The following LIX1 variants were observed in gnomAD, a reference collection of about 807,000 sequenced individuals.
LIX1 encodes limb and CNS expressed 1.
A neutral mutation model predicts 33.4 loss-of-function variants in LIX1; 24 were observed. That is an observed-to-expected ratio of 0.72 (90% CI 0.52 to 1.01). LIX1 has a LOEUF of 1.01. Among genes scored for constraint, LIX1 ranks in the 50% least tolerant of loss-of-function variants. The probability of loss-of-function intolerance (pLI) is 0.00; values close to 1 mark genes in which losing one functional copy is unlikely to be tolerated. For missense variants in LIX1, 311 were observed against 339.2 expected, an observed-to-expected ratio of 0.92 and a Z score of 0.65; for synonymous variants, 124 against 124.0, an observed-to-expected ratio of 1.00 and a Z score of 0.00.
intron 1 of LIX1, among the ~76,000 whole-genome samples, chr5:97,127,977 A>G (rs887208160): frequency 1.3e-5 from 2 of 152,182 alleles, no homozygotes; most frequent in Middle Eastern, 3.4e-3. Context: ...AAGTTCCCTC[A>G]TTATTCACTC....
At chr5:97,129,298 C>A (rs892050813) in intron 1 of LIX1, among the ~76,000 whole-genome samples, 1 of 152,080 alleles carries the variant, frequency 6.6e-6, no homozygotes, top group Non-Finnish European at 1.5e-5. Context: ...ACGCCCTACC[C>A]GCAAGAAACA....
chr5:97,106,166 T>G (rs1561492208), intron 3 of LIX1, among the ~76,000 whole-genome samples: 2 of 152,230 alleles, frequency 1.3e-5, no homozygotes, highest in Non-Finnish European at 2.9e-5. Context: ...TAAATTACTT[T>G]TACACTGAGG....
In LIX1 at chr5:97,142,528, G is replaced by A. The variant is rs778765379; in HGVS notation, c.49C>T (p.Pro17Ser). ...SLRHIIAQVL[P>S]HRDPALVFKD... Reference sequence around the variant, plus strand: ...AAGACTAGAGCCGGATCTCTGTGAGGCAAGACTTGGGCAATGATGTGTCTC... The same window carrying A: ...AAGACTAGAGCCGGATCTCTGTGAGACAAGACTTGGGCAATGATGTGTCTC... The change falls in exon 1 of 6, where the codon CCT (proline) becomes TCT (serine). Residue 17 changes from proline to serine, a missense_variant. By Grantham distance (74) the Pro-to-Ser change is moderately conservative (BLOSUM62 -1). Coordinates refer to ENST00000274382, the MANE Select transcript of LIX1 (RefSeq NM_153234.5). The A allele has an allele frequency of 1.2e-5, 20 of 1,614,030 alleles. No homozygotes were observed. The highest frequency in any genetic ancestry group is 1.5e-5 in the Non-Finnish European group (18 of 1,179,906).
intron 4 of LIX1, among the ~76,000 whole-genome samples, chr5:97,103,349 A>G (rs2112759126): frequency 6.6e-6 from 1 of 152,326 alleles, no homozygotes; most frequent in East Asian, 1.9e-4. Flanking sequence ...AAATACATCT[A>G]ATAATAGTTG....
chr5:97,124,439 A>G lies in LIX1; in HGVS notation c.246+27T>C, dbSNP rs112717795. ...CTTTATTTTAGCCCAATGAACTTTCACTGACAAATTAATGGCTACTTCTTA... is the reference window on the plus strand; with the variant it reads ...CTTTATTTTAGCCCAATGAACTTTCGCTGACAAATTAATGGCTACTTCTTA... On this transcript the variant is annotated intron_variant, in intron 2 of 5. Coordinates refer to ENST00000274382, the MANE Select transcript of LIX1 (RefSeq NM_153234.5). 3 of 1,564,796 alleles carry G rather than the reference A, an allele frequency of 1.9e-6. No homozygotes were observed. The East Asian group carries it at 6.9e-5, about 36-fold the overall frequency.
At chr5:97,118,701 T>A (rs564107189) in intron 2 of LIX1, among the ~76,000 whole-genome samples, 1,695 of 152,168 alleles carry the variant, frequency 0.011, 26 homozygotes, top group African/African-American at 0.039. Context: ...GAAAAAAAAA[T>A]TTTTAATCAG....
intron 3 of LIX1, among the ~76,000 whole-genome samples, chr5:97,106,227 T>G (rs1180900547): frequency 2.0e-5 from 3 of 152,208 alleles, no homozygotes; most frequent in Non-Finnish European, 4.4e-5. Context: ...TCAGGCATAA[T>G]TTTCCTAACC....
In LIX1 at chr5:97,092,755, G is replaced by A. The variant is rs907672253; in HGVS notation, c.*1993C>T. 2.0e-5 allele frequency: 3 copies of A among 152,332 alleles called. No individual in the cohort carries two copies. Among genetic ancestry groups the A allele is most frequent in the Non-Finnish European group, 4.4e-5 (3 of 68,040 alleles). The allele number at this position is 152,332 out of a possible 1,614,324, so 9.4% of individuals were successfully genotyped here. ...ATTAAGATGGTGTCAGTTTGAGGAA[G>A]TCATTGTCAAAGGCTGCTAATGCAG... On this transcript the variant is annotated 3_prime_UTR_variant, in exon 6 of 6. Coordinates refer to ENST00000274382, the MANE Select transcript of LIX1 (RefSeq NM_153234.5).
chr5:97,117,178 T>C (rs1043186093), intron 2 of LIX1, among the ~76,000 whole-genome samples: 2 of 152,170 alleles, frequency 1.3e-5, no homozygotes, highest in Admixed American at 1.3e-4. Flanking sequence ...TGAGTCTCAT[T>C]AGTTATAAAA....
At chr5:97,119,572 AT>A (rs1350509079) in intron 2 of LIX1, among the ~76,000 whole-genome samples, 6 of 152,180 alleles carry the variant, frequency 3.9e-5, no homozygotes, top group African/African-American at 1.4e-4. Context: ...AACATACTTG[AT>A]TCAGGAAATT....
Position 97,093,823 on chromosome 5 carries a change from C to A in LIX1, c.*925G>T, listed in dbSNP as rs1050094952. The A allele has an allele frequency of 6.6e-6, 1 of 152,204 alleles. No homozygotes were observed. Among genetic ancestry groups the A allele is most frequent in the Non-Finnish European group, 1.5e-5 (1 of 68,028 alleles). The allele number at this position is 152,204 out of a possible 1,614,324, so 9.4% of individuals were successfully genotyped here. Reference sequence around the variant, plus strand: ...CAACAAACAGAGCTAAAGGGTCCTTCTCTCAAATGCTGGTGAAACTAATCA... The same window carrying A: ...CAACAAACAGAGCTAAAGGGTCCTTATCTCAAATGCTGGTGAAACTAATCA... On this transcript the variant is annotated 3_prime_UTR_variant, in exon 6 of 6. Coordinates refer to ENST00000274382, the MANE Select transcript of LIX1 (RefSeq NM_153234.5).
intron 2 of LIX1, among the ~76,000 whole-genome samples, chr5:97,110,953 G>GA (rs1185286574): frequency 6.6e-6 from 1 of 152,204 alleles, no homozygotes; most frequent in Non-Finnish European, 1.5e-5. Context: ...TGACAAGGTA[G>GA]ATTGGCTTTG....
chr5:97,108,052 G>A (rs917344223), intron 2 of LIX1, among the ~76,000 whole-genome samples: 1 of 152,220 alleles, frequency 6.6e-6, no homozygotes, highest in African/African-American at 2.4e-5. Flanking sequence ...TAGGGTTGAG[G>A]TTAGGATCAA....
intron 1 of LIX1, among the ~76,000 whole-genome samples, chr5:97,135,688 G>T (rs977366126): frequency 2.0e-5 from 3 of 151,978 alleles, no homozygotes; most frequent in Admixed American, 2.0e-4. Flanking sequence ...GTGCAGTAGT[G>T]GGCGCCTGTA....
chr5:97,092,173 C>G lies in LIX1; in HGVS notation c.*2575G>C, dbSNP rs927259338. On this transcript the variant is annotated 3_prime_UTR_variant, in exon 6 of 6. Transcript: ENST00000274382. The stretch of plus-strand genomic sequence containing the variant: ...ACAAGAATCTAAAGATCCCCTAGGG[C>G]AATCTCTGGACTTTGGGGGGTCCAC... The G allele has an allele frequency of 6.6e-6, 1 of 152,280 alleles. No homozygotes were observed. Among genetic ancestry groups the G allele is most frequent in the Non-Finnish European group, 1.5e-5 (1 of 68,016 alleles). 9.4% of individuals were successfully genotyped at this position (152,280 alleles called of 1,614,324 possible).
At chr5:97,097,960 A>G (rs899676708) in intron 4 of LIX1, among the ~76,000 whole-genome samples, 6 of 152,118 alleles carry the variant, frequency 3.9e-5, no homozygotes, top group Admixed American at 3.3e-4. Context: ...TGACCAATCC[A>G]TTTTTGTCCT....
intron 1 of LIX1, among the ~76,000 whole-genome samples, chr5:97,140,437 C>G (rs1326714856): frequency 6.6e-6 from 1 of 152,104 alleles, no homozygotes; most frequent in Non-Finnish European, 1.5e-5. Context: ...CCAGCAGTGA[C>G]TAGGAGGAGA....
intron 4 of LIX1, among the ~76,000 whole-genome samples, chr5:97,100,234 C>T (rs907078291): frequency 2.6e-5 from 4 of 152,320 alleles, no homozygotes; most frequent in Non-Finnish European, 4.4e-5. Context: ...CAACCTTCAT[C>T]TTTCAAAAAT....
At chr5:97,099,168 C>T (rs1359626615) in intron 4 of LIX1, among the ~76,000 whole-genome samples, 2 of 152,218 alleles carry the variant, frequency 1.3e-5, no homozygotes, top group Admixed American at 1.3e-4. Flanking sequence ...TCCACATCTT[C>T]CTGCCCTTGT....
Sources: allele counts gnomAD v4.1 joint callset (sites outside exome capture counted in the v4.1 genomes callset), GRCh38; gene constraint gnomAD v4.1.1; transcripts MANE v1.5; gene names NCBI Gene and HGNC (gene_info 2026-07-23, HGNC 2026-07-21).